Variants in BBS9 observed in about 807,000 individuals in gnomAD.
BBS9 encodes protein PTHB1.
A neutral mutation model predicts 117.7 loss-of-function variants in BBS9; 89 were observed. The observed-to-expected ratio is 0.76, with a 90% CI of 0.64 to 0.90. The LOEUF (loss-of-function observed/expected upper bound fraction) is 0.90. Among genes scored for constraint, BBS9 ranks in the 40% least tolerant of loss-of-function variants. The pLI is 0.00. For missense variants in BBS9, 982 were observed against 1,042.2 expected, an observed-to-expected ratio of 0.94 and a Z score of 0.80; for synonymous variants, 379 against 370.9, an observed-to-expected ratio of 1.02 and a Z score of -0.25.
At position 33,264,443 on chromosome 7, in the gene BBS9, T is replaced by C. The variant is rs553926540; in HGVS notation, c.702+69T>C. ...TCTAATCACATATGTTTGTCAATAATAATTCATGGGAAGAAAATGTAAAAA... is the reference window on the plus strand; with the variant it reads ...TCTAATCACATATGTTTGTCAATAACAATTCATGGGAAGAAAATGTAAAAA... On this transcript the variant is annotated intron_variant, in intron 7 of 22. Coordinates refer to ENST00000242067, the MANE Select transcript of BBS9 (RefSeq NM_198428.3). The C allele has an allele frequency of 2.0e-5, 18 of 922,072 alleles. No individual in the cohort carries two copies. In the Admixed American group the frequency reaches 3.3e-4, roughly 17 times the overall value. 57.1% of individuals were successfully genotyped at this position (922,072 alleles called of 1,614,324 possible). A position where few individuals can be genotyped will look rare whatever the true frequency, so the allele number is the denominator to read the frequency against.
intron 9 of BBS9, among the ~76,000 whole-genome samples, chr7:33,326,808 G>T (rs544420392): frequency 5.3e-5 from 8 of 151,948 alleles, no homozygotes; most frequent in African/African-American, 1.9e-4. Flanking sequence ...GGTACCCGAG[G>T]TCTCTGCTCA....
At chr7:33,336,376 T>A in intron 9 of BBS9, 65 bp from the exon 10 acceptor site, 1 of 1,213,954 alleles carries the variant, frequency 8.2e-7, no homozygotes, top group Non-Finnish European at 1.2e-6. Context: ...AGTAAAAATG[T>A]AGTTGGTCAA....
intron 9 of BBS9, among the ~76,000 whole-genome samples, chr7:33,274,614 C>T (rs1045263170): frequency 4.6e-5 from 7 of 152,136 alleles, no homozygotes; most frequent in South Asian, 2.1e-4. Flanking sequence ...TATCAGCAAA[C>T]GTATAGAAAT....
Position 33,435,385 on chromosome 7 carries a change from T to A in BBS9, c.2115+47241T>A, listed in dbSNP as rs139924000. On this transcript the variant is annotated intron_variant, in intron 19 of 22. Transcript: ENST00000242067. Reference sequence around the variant, plus strand: ...TACTTTGTGAGTACAATTTCTTGTCTGTTAATGAGGAATGACATTACCTCA... The same window carrying A: ...TACTTTGTGAGTACAATTTCTTGTCAGTTAATGAGGAATGACATTACCTCA... Among the ~76,000 whole-genome samples the A allele has an allele frequency of 1.3e-4, 20 of 152,332 alleles. No homozygotes were observed. The East Asian group carries it at 3.7e-3, about 28-fold the overall frequency.
chr7:33,336,307 G>A (rs1200635348), intron 9 of BBS9, 134 bp from the exon 10 acceptor site: 15 of 675,714 alleles, frequency 2.2e-5, no homozygotes, highest in South Asian at 1.8e-4. Context: ...AGTCTTTGAA[G>A]TAAAACTTTA....
intron 22 of BBS9, 88 bp downstream of exon 22, chr7:33,605,063 G>A (rs1018116372): frequency 1.5e-5 from 22 of 1,460,606 alleles, no homozygotes; most frequent in Admixed American, 3.4e-5. Flanking sequence ...AGAGCATTCC[G>A]CAAAGCTGCT....
At chr7:33,564,317 A>G (rs1460256644) in intron 21 of BBS9, among the ~76,000 whole-genome samples, 1 of 152,204 alleles carries the variant, frequency 6.6e-6, no homozygotes, top group Non-Finnish European at 1.5e-5. Context: ...AACACAAACA[A>G]CAAATAATTA....
At chr7:33,415,794 A>G (rs1444994361) in intron 19 of BBS9, among the ~76,000 whole-genome samples, 1 of 152,170 alleles carries the variant, frequency 6.6e-6, no homozygotes, top group Non-Finnish European at 1.5e-5. Context: ...ATCAGACATT[A>G]TAATTGGCTC....
At chr7:33,601,121 G>A (rs1398255079) in intron 21 of BBS9, among the ~76,000 whole-genome samples, 2 of 152,164 alleles carry the variant, frequency 1.3e-5, no homozygotes, top group Non-Finnish European at 2.9e-5. Context: ...AGCCCTTTGT[G>A]ACAGCGTTAT....
intron 5 of BBS9, among the ~76,000 whole-genome samples, chr7:33,244,497 A>G (rs1471179144): frequency 6.6e-6 from 1 of 152,200 alleles, no homozygotes; most frequent in African/African-American, 2.4e-5. Context: ...CTTAATAACT[A>G]AATTATCTGA....
chr7:33,332,563 G>A (rs1290676742), intron 9 of BBS9, among the ~76,000 whole-genome samples: 4 of 152,246 alleles, frequency 2.6e-5, no homozygotes, highest in South Asian at 4.2e-4. Flanking sequence ...TGTAATCCCA[G>A]CTACTCAGGA....
intron 9 of BBS9, among the ~76,000 whole-genome samples, chr7:33,284,567 A>G (rs1802524473): frequency 6.6e-6 from 1 of 152,142 alleles, no homozygotes; most frequent in Non-Finnish European, 1.5e-5. Context: ...TGTTTAAACC[A>G]TTTGTTTTGC....
chr7:33,378,749 C>G (rs1563088328), intron 17 of BBS9, among the ~76,000 whole-genome samples: 2 of 152,184 alleles, frequency 1.3e-5, no homozygotes, highest in South Asian at 4.1e-4. Flanking sequence ...ACAGCATCCC[C>G]CATTTTCTTT....
At position 33,366,352 on chromosome 7, in the gene BBS9, C is replaced by G. The variant is rs117713642; in HGVS notation, c.1694-1415C>G. ...ATGCCGATATAACCAGCCATTTGTT[C>G]CGTTTTGCTGCAGCTTCTTACATGG... On this transcript the variant is annotated intron_variant, in intron 16 of 22. Coordinates refer to ENST00000242067, the MANE Select transcript of BBS9 (RefSeq NM_198428.3). Among the ~76,000 whole-genome samples, 1,011 of 151,992 alleles carry G rather than the reference C, an allele frequency of 6.7e-3. 4 individuals carry two copies. The highest frequency in any genetic ancestry group is 0.014 in the Middle Eastern group (4 of 294).
chr7:33,307,893 G>A (rs1232251797), intron 9 of BBS9, among the ~76,000 whole-genome samples: 2 of 151,968 alleles, frequency 1.3e-5, no homozygotes, highest in African/African-American at 4.8e-5. Context: ...GGACCTGGTA[G>A]TCATTTATTG....
At chr7:33,619,527 A>ACATTC (rs1210366786) in intron 21 of BBS9, among the ~76,000 whole-genome samples, 1 of 152,142 alleles carries the variant, frequency 6.6e-6, no homozygotes, top group African/African-American at 2.4e-5. Flanking sequence ...CATATGTATA[A>ACATTC]CATTCCATTC....
chr7:33,448,328 C>T lies in BBS9; in HGVS notation c.2116-57135C>T, dbSNP rs932751185. Among the ~76,000 whole-genome samples the T allele has an allele frequency of 4.7e-4, 71 of 152,246 alleles. 1 individual carries two copies. Among genetic ancestry groups the T allele is most frequent in the African/African-American group, 1.6e-3 (68 of 41,554 alleles). ...TTGGGCTTGGGTTGGTTTTCCAGAT[C>T]GTGTCTTTTCCTGTCTGTGATGTAG... On this transcript the variant is annotated intron_variant, in intron 19 of 22. Coordinates refer to ENST00000242067, the MANE Select transcript of BBS9 (RefSeq NM_198428.3).
chr7:33,322,780 G>A (rs1453678161), intron 9 of BBS9, among the ~76,000 whole-genome samples: 1 of 151,380 alleles, frequency 6.6e-6, no homozygotes, highest in Non-Finnish European at 1.5e-5. Context: ...AGTAATCTTG[G>A]GTTTGATTTG....
chr7:33,180,393 G>A lies in BBS9; in HGVS notation c.442+2802G>A, dbSNP rs549331521. Among the ~76,000 whole-genome samples the A allele has an allele frequency of 9.0e-5, 13 of 144,918 alleles. No homozygotes were observed. The East Asian group carries it at 1.8e-3, about 20-fold the overall frequency. On this transcript the variant is annotated intron_variant, in intron 5 of 22. Transcript: ENST00000242067. ...TTTTTTTTTTTTGAGATGGAGTCTCGCTCTGTCATCAGGCTGGAGTGCAGC... is the reference window on the plus strand; with the variant it reads ...TTTTTTTTTTTTGAGATGGAGTCTCACTCTGTCATCAGGCTGGAGTGCAGC...
Sources: allele counts gnomAD v4.1 joint callset (sites outside exome capture counted in the v4.1 genomes callset), GRCh38; gene constraint gnomAD v4.1.1; transcripts MANE v1.5; gene names NCBI Gene and HGNC (gene_info 2026-07-23, HGNC 2026-07-21).